UBE3B: variants seen among roughly 807,000 people sequenced by gnomAD.
The protein encoded by UBE3B is ubiquitin-protein ligase E3B.
In UBE3B, 80 loss-of-function variants were observed where a neutral mutation model predicts 132.3. The observed-to-expected ratio is 0.60, with a 90% CI of 0.50 to 0.73. UBE3B has a LOEUF of 0.73. Among genes scored for constraint, UBE3B ranks in the 30% least tolerant of loss-of-function variants. UBE3B has a pLI of 0.00. For synonymous variants in UBE3B, 487 were observed against 520.4 expected, an observed-to-expected ratio of 0.94 and a Z score of 0.87; for missense variants, 1,196 against 1,362.5, an observed-to-expected ratio of 0.88 and a Z score of 1.92.
chr12:109,501,674 C>A, intron 13 of UBE3B, 140 bp downstream of exon 13: 1 of 1,069,280 alleles, frequency 9.4e-7, no homozygotes, highest in Non-Finnish European at 1.3e-6. Flanking sequence ...TTGTTAGAGA[C>A]AGAGTCTCAC....
rs1822119326 is a variant in UBE3B at position 109,522,972 on chromosome 12, C to T, written c.2365-1006C>T. Among the ~76,000 whole-genome samples the T allele has an allele frequency of 1.3e-5, 2 of 152,194 alleles. No homozygotes were observed. The highest frequency in any genetic ancestry group is 2.9e-5 in the Non-Finnish European group (2 of 68,036). ...TGATGACACTCAGAAGAGCCTGGGCCACCTGGAAAGCATGGCCTCCTGGCT... is the reference window on the plus strand; with the variant it reads ...TGATGACACTCAGAAGAGCCTGGGCTACCTGGAAAGCATGGCCTCCTGGCT... On this transcript the variant is annotated intron_variant, in intron 21 of 27. Transcript: ENST00000342494. The surrounding 1 kb of genome is among the most constrained non-coding windows in gnomAD (Gnocchi z 4.2).
Position 109,521,228 on chromosome 12 carries a change from G to A in UBE3B, c.2157G>A (p.Gly719=). 6.2e-7 allele frequency: 1 copy of A among 1,614,174 alleles called. No individual in the cohort carries two copies. The highest frequency in any genetic ancestry group is 2.2e-5 in the East Asian group (1 of 44,888). ...GTGTGAAGTTTGTCAATGACCTCGGGGTGGACGAAGCAGGGATTGATCAAG... is the reference window on the plus strand; with the variant it reads ...GTGTGAAGTTTGTCAATGACCTCGGAGTGGACGAAGCAGGGATTGATCAAG... ...VIRVKFVNDL[G]VDEAGIDQDG... The change falls in exon 20 of 28, where the codon GGG becomes GGA. Residue 719 remains glycine (G), a synonymous_variant. Transcript: ENST00000342494. The surrounding 1 kb of genome is among the most constrained non-coding windows in gnomAD (Gnocchi z 4.2).
intron 19 of UBE3B, among the ~76,000 whole-genome samples, chr12:109,517,513 G>T (rs937303117): frequency 1.3e-5 from 2 of 152,132 alleles, no homozygotes; most frequent in African/African-American, 2.4e-5. Context: ...GTACAAGACC[G>T]TGCCTCCAAT....
intron 21 of UBE3B, 95 bp from the exon 22 acceptor site, chr12:109,523,883 C>A: frequency 6.5e-7 from 1 of 1,534,362 alleles, no homozygotes; most frequent in Non-Finnish European, 8.8e-7. Context: ...ATGCCGATGG[C>A]ACCCCTGGGC....
intron 24 of UBE3B, among the ~76,000 whole-genome samples, chr12:109,528,882 G>A (rs1305894540): frequency 2.0e-5 from 3 of 151,690 alleles, no homozygotes; most frequent in African/African-American, 7.3e-5. Flanking sequence ...GAAAAGGCCA[G>A]GCGTGGTGGC....
downstream of UBE3B, among the ~76,000 whole-genome samples, chr12:109,539,662 C>T (rs1042246287): frequency 5.9e-5 from 9 of 152,302 alleles, no homozygotes; most frequent in Middle Eastern, 6.8e-3. Context: ...TGATAACTGT[C>T]ATTATTTTGT....
downstream of UBE3B, among the ~76,000 whole-genome samples, chr12:109,539,702 A>C (rs1883569369): frequency 6.6e-6 from 1 of 151,806 alleles, no homozygotes; most frequent in South Asian, 2.1e-4. Context: ...TTCCTTCTGG[A>C]GTTTGTTTTT....
Position 109,525,720 on chromosome 12 carries a change from C to T in UBE3B, c.2569-638C>T, listed in dbSNP as rs74507313. Among the ~76,000 whole-genome samples, 1,050 of 152,060 alleles carry T rather than the reference C, an allele frequency of 6.9e-3. 9 individuals are homozygous for T. Among genetic ancestry groups the T allele is most frequent in the African/African-American group, 0.024 (1,009 of 41,454 alleles). ...GCTTTATCCTGACATAATTTTTCTC[C>T]CGACTATAAAGATAATGAAACTTCT... On this transcript the variant is annotated intron_variant, in intron 23 of 27. Coordinates refer to ENST00000342494, the MANE Select transcript of UBE3B (RefSeq NM_130466.4).
At chr12:109,486,847 A>G (rs924159399) in intron 6 of UBE3B, among the ~76,000 whole-genome samples, 2 of 152,168 alleles carry the variant, frequency 1.3e-5, no homozygotes, top group African/African-American at 4.8e-5. Context: ...TCAGTACTTT[A>G]TGATCTACAT....
At chr12:109,479,430 C>G (rs1384289281) in intron 1 of UBE3B, among the ~76,000 whole-genome samples, 1 of 151,880 alleles carries the variant, frequency 6.6e-6, no homozygotes, top group Non-Finnish European at 1.5e-5. Flanking sequence ...TTATTACCCT[C>G]GATTTACACA....
chr12:109,489,494 T>C (rs1243399905), intron 7 of UBE3B, among the ~76,000 whole-genome samples: 1 of 152,126 alleles, frequency 6.6e-6, no homozygotes, highest in East Asian at 1.9e-4. Flanking sequence ...GGAGGGCTTA[T>C]TTCAGGCATG....
intron 13 of UBE3B, 130 bp from the exon 14 acceptor site, chr12:109,502,893 T>A: frequency 9.2e-7 from 1 of 1,090,312 alleles, no homozygotes; most frequent in Non-Finnish European, 1.4e-6. Flanking sequence ...ATGCCTTGAA[T>A]TGAGTGAGTT....
chr12:109,543,363 C>T, the UBE3B span, among the ~76,000 whole-genome samples: 3 of 118,264 alleles, frequency 2.5e-5, no homozygotes, highest in African/African-American at 3.6e-5. Context: ...AGGGGAGTGG[C>T]TCGGCACGGG....
intron 17 of UBE3B, among the ~76,000 whole-genome samples, chr12:109,510,716 C>T (rs1348791256): frequency 6.6e-6 from 1 of 152,184 alleles, no homozygotes; most frequent in African/African-American, 2.4e-5. Context: ...ATTTCTCATC[C>T]AAACTAGGAA....
At chr12:109,499,509 C>G in intron 11 of UBE3B, 124 bp from the exon 12 acceptor site, 2 of 956,768 alleles carry the variant, frequency 2.1e-6, no homozygotes, top group Non-Finnish European at 2.9e-6. Flanking sequence ...TGACAGGTGC[C>G]CCTTATGTGG....
chr12:109,489,073 G>C (rs1049315736), intron 7 of UBE3B, among the ~76,000 whole-genome samples: 1 of 152,176 alleles, frequency 6.6e-6, no homozygotes, highest in Non-Finnish European at 1.5e-5. Context: ...CGTTAGTGCC[G>C]TGTGTTTCAT....
rs553673791 is a variant in UBE3B at position 109,485,236 on chromosome 12, AGCTGTTAG to A, written c.283-765_283-758del. Among the ~76,000 whole-genome samples the A allele has an allele frequency of 6.7e-4, 102 of 152,346 alleles. 1 individual carries two copies. The highest frequency in any genetic ancestry group is 2.2e-3 in the African/African-American group (93 of 41,580). ...CACTGAGGCATGTCTCCAAGTTACCAGCTGTTAGGCTGTTAGGCATTCCTATTGCTAAG... is the reference window on the plus strand; with the variant it reads ...CACTGAGGCATGTCTCCAAGTTACCAGCTGTTAGGCATTCCTATTGCTAAG... On this transcript the variant is annotated intron_variant, in intron 4 of 27. Transcript: ENST00000342494.
rs1488483571 is a variant in UBE3B, at chr12:109,534,129, T to C, written c.3016-462T>C. On this transcript the variant is annotated intron_variant, in intron 27 of 27. Transcript: ENST00000342494. This position sits in a 1 kb window ranked among gnomAD's most constrained non-coding sequence, Gnocchi z 5.2. ...GTGTAGCTGCCTCTCATGATGCAGTTTGAGCCCGTGATGCCACCTTGTACA... is the reference window on the plus strand; with the variant it reads ...GTGTAGCTGCCTCTCATGATGCAGTCTGAGCCCGTGATGCCACCTTGTACA... The C allele has an allele frequency of 7.7e-7, 1 of 1,293,664 alleles. No homozygotes were observed. The highest frequency in any genetic ancestry group is 1.0e-6 in the Non-Finnish European group (1 of 993,316). 80.1% of individuals were successfully genotyped at this position (1,293,664 alleles called of 1,614,324 possible). A position where few individuals can be genotyped will look rare whatever the true frequency, so the allele number is the denominator to read the frequency against.
rs765346165 is a variant in UBE3B, at chr12:109,483,894, C to A, written c.195C>A (p.Asp65Glu). 6.2e-7 allele frequency: 1 copy of A among 1,613,892 alleles called. No individual in the cohort carries two copies. Among genetic ancestry groups the A allele is most frequent in the Non-Finnish European group, 8.5e-7 (1 of 1,179,890 alleles). ...TTGATGACTTTTTTAAAGCAGATGACCCTGAGTCCACTAAAAGAAGTGCAC... is the reference window on the plus strand; with the variant it reads ...TTGATGACTTTTTTAAAGCAGATGAACCTGAGTCCACTAAAAGAAGTGCAC... The part of the protein sequence containing the change: ...REIDDFFKAD[D>E]PESTKRSALC... The change falls in exon 4 of 28, where the codon GAC becomes GAA. Residue 65 changes from aspartate (D) to glutamate (E), a missense_variant. Transcript: ENST00000342494.
Sources: gnomAD v4.1 joint callset for allele counts (sites outside exome capture counted in the v4.1 genomes callset) on GRCh38, gnomAD v4.1.1 for gene constraint, Gnocchi (gnomAD v3.1) non-coding constraint, MANE v1.5 for transcripts, NCBI Gene and HGNC (gene_info 2026-07-23, HGNC 2026-07-21) for gene names.